Variants in ZNF320 observed in about 807,000 individuals in gnomAD.
ZNF320 encodes zinc finger gene 320.
A neutral mutation model predicts 6.8 loss-of-function variants in ZNF320; 2 were observed. The ratio of observed to expected loss-of-function variants is 0.29; its 90% CI spans 0.12 to 0.93. The LOEUF (loss-of-function observed/expected upper bound fraction) is 0.93, where lower values mean the gene tolerates loss of function less well. ZNF320 is among the 40% of genes least tolerant of loss of function. The pLI, the probability that ZNF320 is intolerant of heterozygous loss-of-function variation, is 0.55. For synonymous variants in ZNF320, 208 were observed against 203.2 expected, an observed-to-expected ratio of 1.02 and a Z score of -0.20; for missense variants, 472 against 611.0, an observed-to-expected ratio of 0.77 and a Z score of 2.40.
At chr19:52,904,084 G>A in the ZNF320 span, among the ~76,000 whole-genome samples, 7 of 152,380 alleles carry the variant, frequency 4.6e-5, no homozygotes, top group South Asian at 1.0e-3. Context: ...GTGGAGTGGG[G>A]CAAGTTCCAA....
At chr19:52,872,200 T>C (rs1405789927), downstream of ZNF320, among the ~76,000 whole-genome samples, 3 of 152,228 alleles carry the variant, frequency 2.0e-5, no homozygotes, top group African/African-American at 7.2e-5. Flanking sequence ...AAAGAAAGTT[T>C]GGAGTCAGAG....
At position 52,877,455 on chromosome 19, in the gene ZNF320, G is replaced by T. The variant is rs1474077905; in HGVS notation, c.*3141C>A. The T allele has an allele frequency of 6.6e-6, 1 of 152,178 alleles. No homozygotes were observed. The highest frequency in any genetic ancestry group is 2.4e-5 in the African/African-American group (1 of 41,450). The allele number at this position is 152,178 out of a possible 1,614,324, so 9.4% of individuals were successfully genotyped here. Reference sequence around the variant, plus strand: ...TGCCTTAGGCTGGCTCAGGGACCCTGTATTTTTACATAAATAGGGCAAGGG... The same window carrying T: ...TGCCTTAGGCTGGCTCAGGGACCCTTTATTTTTACATAAATAGGGCAAGGG... On this transcript the variant is annotated 3_prime_UTR_variant, in exon 6 of 6. Coordinates refer to ENST00000682928, the MANE Select transcript of ZNF320 (RefSeq NM_001351774.2).
chr19:52,872,340 C>T (rs1600584120), downstream of ZNF320, among the ~76,000 whole-genome samples: 2 of 152,134 alleles, frequency 1.3e-5, no homozygotes, highest in South Asian at 4.1e-4. Flanking sequence ...GGGGCCTGCC[C>T]CTCCACACCT....
At chr19:52,890,371 A>G (rs1317198224) in intron 3 of ZNF320, 43 bp from the exon 4 acceptor site, 3 of 1,399,056 alleles carry the variant, frequency 2.1e-6, no homozygotes, top group African/African-American at 2.9e-5. Context: ...GAATCAACAC[A>G]CCCCCTCCCC....
intron 4 of ZNF320, 125 bp downstream of exon 4, chr19:52,890,116 G>C: frequency 2.1e-6 from 3 of 1,418,562 alleles, no homozygotes; most frequent in Non-Finnish European, 2.9e-6. Flanking sequence ...CTGAGGGAAG[G>C]CATGGGTGAT....
intron 3 of ZNF320, among the ~76,000 whole-genome samples, chr19:52,890,625 A>G (rs772474605): frequency 4.6e-5 from 7 of 152,246 alleles, no homozygotes; most frequent in Non-Finnish European, 8.8e-5. Context: ...TCACCCCAGC[A>G]CTCTAGGAGG....
At chr19:52,865,812 T>C in intron 5 of ZNF320, among the ~76,000 whole-genome samples, 1 of 121,334 alleles carries the variant, frequency 8.2e-6, no homozygotes, top group African/African-American at 3.4e-5. Context: ...TTTATATATA[T>C]GATTATACAC....
intron 5 of ZNF320, among the ~76,000 whole-genome samples, chr19:52,866,137 TATATTTATATATGTATGATTATA>T (rs2063565350): frequency 1.6e-5 from 1 of 63,768 alleles, no homozygotes; most frequent in South Asian, 4.1e-4. Context: ...TGATTATACA[TATATTTATATATGTATGATTATA>T]CATATATTTA....
rs79088801 is a variant in ZNF320 at position 52,888,591 on chromosome 19, A to C, written c.16-338T>G. Among the ~76,000 whole-genome samples the C allele has an allele frequency of 2.6e-5, 2 of 76,374 alleles. 1 individual carries two copies. The highest frequency in any genetic ancestry group is 5.3e-5 in the Non-Finnish European group (2 of 37,424). 50.1% of individuals were successfully genotyped at this position (76,374 alleles called of 152,430 possible). A position where few individuals can be genotyped will look rare whatever the true frequency, so the allele number is the denominator to read the frequency against. ...GTTTCAGTGAGCTGCGATTGCACCA[A>C]GGCATTCTAGCCTGGGCAACAAAGC... On this transcript the variant is annotated intron_variant, in intron 4 of 5. Transcript: ENST00000682928.
chr19:52,893,001 T>C (rs1211166742), intron 2 of ZNF320, among the ~76,000 whole-genome samples: 1 of 152,124 alleles, frequency 6.6e-6, no homozygotes, highest in African/African-American at 2.4e-5. Flanking sequence ...CCTGCTTTCT[T>C]ATTTTTTTTT....
chr19:52,899,317 GTT>G (rs1040276539), upstream of ZNF320, among the ~76,000 whole-genome samples: 1 of 152,136 alleles, frequency 6.6e-6, no homozygotes, highest in Non-Finnish European at 1.5e-5. Flanking sequence ...ACATGTGTCA[GTT>G]TTGTTATATT....
chr19:52,862,177 G>C, exon 6 of ZNF320: 1 of 439,314 alleles, frequency 2.3e-6, no homozygotes, highest in South Asian at 1.8e-5. Context: ...CATTGCATTA[G>C]TAAACTTTCC....
At chr19:52,871,920 T>C (rs1451017348), downstream of ZNF320, among the ~76,000 whole-genome samples, 3 of 152,232 alleles carry the variant, frequency 2.0e-5, no homozygotes, top group Non-Finnish European at 4.4e-5. Context: ...CATCACTTCA[T>C]CATCACATCC....
chr19:52,864,126 A>G, exon 6 of ZNF320: 1 of 324,138 alleles, frequency 3.1e-6, no homozygotes, highest in Non-Finnish European at 6.1e-6. Flanking sequence ...AGCAAAGAGA[A>G]CTCTATAGCC....
At chr19:52,861,079 A>T (rs2063484745) in exon 6 of ZNF320, among the ~76,000 whole-genome samples, 1 of 152,188 alleles carries the variant, frequency 6.6e-6, no homozygotes. Context: ...ATAAAATTGT[A>T]TTTGTTTGTA....
exon 6 of ZNF320, among the ~76,000 whole-genome samples, chr19:52,863,610 G>GAA (rs528252648): frequency 3.7e-5 from 4 of 108,204 alleles, no homozygotes; most frequent in African/African-American, 9.8e-5. Flanking sequence ...CTCAAAAAAG[G>GAA]AAAAAAAAAA....
intron 5 of ZNF320, chr19:52,865,223 GA>G (rs1311499820): frequency 6.3e-6 from 1 of 159,934 alleles, no homozygotes; most frequent in East Asian, 1.8e-4. Context: ...TGGGGAGCCT[GA>G]GGCAGAAGAA....
downstream of ZNF320, among the ~76,000 whole-genome samples, chr19:52,860,351 C>G (rs2063480476): frequency 6.6e-6 from 1 of 151,958 alleles, no homozygotes; most frequent in Non-Finnish European, 1.5e-5. Context: ...GCAATACTAG[C>G]AATTTGAAAG....
At position 52,865,542 on chromosome 19, in the gene ZNF320, TATACATATATATTTATATGATC is replaced by T. The variant is rs1318199974; in HGVS notation, c.224-1405_224-1384del. On this transcript the variant is annotated intron_variant, in intron 5 of 5. Coordinates refer to the ZNF320 transcript ENST00000673631. The stretch of plus-strand genomic sequence containing the variant: ...TTATACATATATATTTATATATGAT[TATACATATATATTTATATGATC>T]ATACATATATATTTATATGATTATA... 2.2e-3 allele frequency: 285 copies of T among 128,320 alleles called. 2 individuals carry two copies. The highest frequency in any genetic ancestry group is 8.5e-3 in the African/African-American group (269 of 31,502). 7.9% of individuals were successfully genotyped at this position (128,320 alleles called of 1,614,324 possible). A position where few individuals can be genotyped will look rare whatever the true frequency, so the allele number is the denominator to read the frequency against.
Sources: allele counts gnomAD v4.1 joint callset (sites outside exome capture counted in the v4.1 genomes callset), GRCh38; gene constraint gnomAD v4.1.1; transcripts MANE v1.5; gene names NCBI Gene and HGNC (gene_info 2026-07-23, HGNC 2026-07-21).